CNBD1: variants seen among roughly 807,000 people sequenced by gnomAD.
The protein encoded by CNBD1 is cyclic nucleotide-binding domain-containing protein 1.
Under a neutral mutation model 54.4 loss-of-function variants are expected in CNBD1, and 71 were observed. The ratio of observed to expected loss-of-function variants is 1.30; its 90% CI spans 1.08 to 1.59. The LOEUF (loss-of-function observed/expected upper bound fraction) is 1.59. Ranked by LOEUF, CNBD1 falls within the 40% of genes most tolerant of loss-of-function variation. CNBD1 has a pLI of 0.00. For missense variants in CNBD1, 659 were observed against 518.0 expected (o/e 1.27, Z -2.64); for synonymous variants, 182 against 170.7 (o/e 1.07, Z -0.51).
intron 3 of CNBD1, among the ~76,000 whole-genome samples, chr8:86,935,013 G>GTTTATTTATTTA (rs774629886): frequency 2.1e-3 from 105 of 49,768 alleles, no homozygotes; most frequent in African/African-American, 4.1e-3. Context: ...GGGTTTGTTT[G>GTTTATTTATTTA]TTTGTTTATT....
At chr8:86,944,580 G>A (rs1456512978) in intron 4 of CNBD1, among the ~76,000 whole-genome samples, 1 of 152,146 alleles carries the variant, frequency 6.6e-6, no homozygotes, top group East Asian at 1.9e-4. Context: ...TTGCAACATG[G>A]TCTGCAAATA....
intron 8 of CNBD1, among the ~76,000 whole-genome samples, chr8:87,336,863 C>A (rs557795372): frequency 6.6e-6 from 1 of 152,086 alleles, no homozygotes; most frequent in Non-Finnish European, 1.5e-5. Context: ...GCTACTGACC[C>A]TTGGATGAGG....
intron 4 of CNBD1, among the ~76,000 whole-genome samples, chr8:87,106,955 A>C (rs1218459834): frequency 6.6e-6 from 1 of 151,836 alleles, no homozygotes; most frequent in African/African-American, 2.4e-5. Context: ...CAACCTCCCG[A>C]GTAGCTGGGA....
chr8:86,978,796 A>G (rs1808403000), intron 4 of CNBD1, among the ~76,000 whole-genome samples: 1 of 152,026 alleles, frequency 6.6e-6, no homozygotes. Context: ...AGCCTCCCAA[A>G]GTGCTGGGAT....
chr8:86,927,568 T>G (rs1408103289), intron 3 of CNBD1, among the ~76,000 whole-genome samples: 1 of 152,036 alleles, frequency 6.6e-6, no homozygotes, highest in African/African-American at 2.4e-5. Context: ...GGTAACAGGT[T>G]GTGTTGGATG....
At chr8:87,169,743 C>A (rs1410470251) in intron 4 of CNBD1, among the ~76,000 whole-genome samples, 1 of 151,904 alleles carries the variant, frequency 6.6e-6, no homozygotes, top group African/African-American at 2.4e-5. Context: ...TTTTTGGGTT[C>A]TCTACTGTTA....
intron 8 of CNBD1, among the ~76,000 whole-genome samples, chr8:87,316,987 G>A (rs1341939226): frequency 6.6e-6 from 1 of 151,594 alleles, no homozygotes; most frequent in East Asian, 1.9e-4. Flanking sequence ...CTATTTGTGA[G>A]GCCTTAGATG....
chr8:87,320,361 T>G (rs1809494453), intron 8 of CNBD1, among the ~76,000 whole-genome samples: 1 of 152,114 alleles, frequency 6.6e-6, no homozygotes, highest in Non-Finnish European at 1.5e-5. Flanking sequence ...GATACAGTTT[T>G]TAAGCTTGAA....
At chr8:87,023,309 C>T (rs1809528384) in intron 4 of CNBD1, among the ~76,000 whole-genome samples, 1 of 152,060 alleles carries the variant, frequency 6.6e-6, no homozygotes, top group South Asian at 2.1e-4. Context: ...TAAGAATAAA[C>T]ATAGAATATT....
intron 8 of CNBD1, among the ~76,000 whole-genome samples, chr8:87,344,103 T>C (rs1466299769): frequency 1.3e-5 from 2 of 152,068 alleles, no homozygotes; most frequent in Non-Finnish European, 2.9e-5. Flanking sequence ...CCAGTAATTT[T>C]TAAAATAAAA....
chr8:87,051,373 T>C lies in CNBD1; in HGVS notation c.431+111619T>C, dbSNP rs1283440342. ...CAGTTTGAGCTTCTGGAGTCAAGGA[T>C]CTTTGCCAAGACCAGCTCGGCTGGG... On this transcript the variant is annotated intron_variant, in intron 4 of 10. Transcript: ENST00000518476. Among the ~76,000 whole-genome samples, 4 of 152,072 alleles carry C rather than the reference T, an allele frequency of 2.6e-5. No homozygotes were observed. In the East Asian group the frequency reaches 5.8e-4, roughly 22 times the overall value.
At chr8:87,051,790 TC>T (rs1810317367) in intron 4 of CNBD1, among the ~76,000 whole-genome samples, 1 of 152,232 alleles carries the variant, frequency 6.6e-6, no homozygotes, top group Non-Finnish European at 1.5e-5. Context: ...AGCATGGGCA[TC>T]ATGGCCATCA....
At chr8:87,388,863 C>G (rs770167345) in intron 2 of CNBD1, among the ~76,000 whole-genome samples, 22 of 152,268 alleles carry the variant, frequency 1.4e-4, no homozygotes, top group Middle Eastern at 3.4e-3. Flanking sequence ...AAAATACTGG[C>G]AAACTGAATC....
At chr8:87,321,043 C>T (rs923815658) in intron 8 of CNBD1, among the ~76,000 whole-genome samples, 1 of 151,998 alleles carries the variant, frequency 6.6e-6, no homozygotes, top group Non-Finnish European at 1.5e-5. Context: ...AGAGTAATTC[C>T]TTCTTATTTA....
At chr8:87,169,945 A>C (rs13255481) in intron 4 of CNBD1, among the ~76,000 whole-genome samples, 33,965 of 151,990 alleles carry the variant, frequency 0.22, 4,127 homozygotes, top group Non-Finnish European at 0.27. Flanking sequence ...TATGTGAATA[A>C]TGTCATTAGT....
chr8:87,151,877 G>A (rs1182133540), intron 4 of CNBD1, among the ~76,000 whole-genome samples: 1 of 151,960 alleles, frequency 6.6e-6, no homozygotes, highest in Non-Finnish European at 1.5e-5. Context: ...TTTCATCAAT[G>A]GGCATATTTT....
chr8:87,055,925 TC>T (rs1810408392), intron 4 of CNBD1, among the ~76,000 whole-genome samples: 1 of 146,156 alleles, frequency 6.8e-6, no homozygotes, highest in Non-Finnish European at 1.5e-5. Context: ...CTTCCTTCCT[TC>T]CTTCCTTCCT....
intron 4 of CNBD1, among the ~76,000 whole-genome samples, chr8:87,103,835 G>C (rs904546657): frequency 2.0e-5 from 3 of 152,150 alleles, no homozygotes; most frequent in Admixed American, 2.0e-4. Flanking sequence ...AAAGTAAAAG[G>C]AACATTACAA....
chr8:87,299,487 T>A (rs996638956), intron 8 of CNBD1, among the ~76,000 whole-genome samples: 1 of 152,248 alleles, frequency 6.6e-6, no homozygotes, highest in Admixed American at 6.5e-5. Context: ...CCTGTTCACA[T>A]AGATCTTCCT....
Sources: allele counts gnomAD v4.1 joint callset (sites outside exome capture counted in the v4.1 genomes callset), GRCh38; gene constraint gnomAD v4.1.1; transcripts MANE v1.5; gene names NCBI Gene and HGNC (gene_info 2026-07-23, HGNC 2026-07-21).